Variants in XIAP observed in about 807,000 individuals in gnomAD.
XIAP encodes the protein E3 ubiquitin-protein ligase XIAP.
A neutral mutation model predicts 33.1 loss-of-function variants in XIAP; 3 were observed. That is an observed-to-expected ratio of 0.09 (90% CI 0.04 to 0.23). The LOEUF is 0.23. Ranked by LOEUF, XIAP falls within the 10% of genes least tolerant of loss-of-function variation. The probability of loss-of-function intolerance (pLI) is 1.00; values close to 1 mark genes in which losing one functional copy is unlikely to be tolerated. For synonymous variants in XIAP, 98 were observed against 121.3 expected (o/e 0.81, Z 1.26); for missense variants, 264 against 363.0 (o/e 0.73, Z 2.22).
chrX:123,867,951 C>T (rs2053159273), intron 1 of XIAP, among the ~76,000 whole-genome samples: 1 of 111,718 alleles, frequency 9.0e-6, no homozygotes, highest in South Asian at 3.7e-4. Flanking sequence ...CCTGGGATTA[C>T]AGGCATGAGC....
At chrX:123,868,632 TGAGGTGG>T (rs1265554138) in intron 1 of XIAP, among the ~76,000 whole-genome samples, 1 of 110,955 alleles carries the variant, frequency 9.0e-6, no homozygotes, top group Admixed American at 9.7e-5. Context: ...CTCTGGAGGC[TGAGGTGG>T]GAGGATCACT....
intron 2 of XIAP, among the ~76,000 whole-genome samples, chrX:123,887,170 C>T (rs187813825): frequency 3.1e-4 from 35 of 111,953 alleles, no homozygotes; most frequent in African/African-American, 1.1e-3. Flanking sequence ...CCACCCGCCT[C>T]GGCCTCCCAA....
chrX:123,864,637 T>A (rs1313663615), intron 1 of XIAP, among the ~76,000 whole-genome samples: 4 of 8,315 alleles, frequency 4.8e-4, no homozygotes, highest in Admixed American at 2.4e-3. Context: ...CGGCTTAGAG[T>A]GTGTGTGTGT....
In XIAP at chrX:123,875,020, A is replaced by G. The variant is rs771430913; in HGVS notation, c.-32-10611A>G. Among the ~76,000 whole-genome samples, 745 of 76,766 alleles carry G rather than the reference A, an allele frequency of 9.7e-3. 4 individuals are homozygous for G. Among genetic ancestry groups the G allele is most frequent in the Non-Finnish European group, 0.01 (431 of 41,120 alleles). 66.7% of individuals were successfully genotyped at this position (76,766 alleles called of 115,157 possible). A position where few individuals can be genotyped will look rare whatever the true frequency, so the allele number is the denominator to read the frequency against. On this transcript the variant is annotated intron_variant, in intron 1 of 6. Coordinates refer to ENST00000371199, the MANE Select transcript of XIAP (RefSeq NM_001167.4). ...AGCCACTGCGCCTGGCTGATCAGGG[A>G]TTTATTTTTTTTTTTTTTTGAGATG...
Position 123,913,764 on chromosome X carries a change from G to T in XIAP, c.*6583G>T, listed in dbSNP as rs1477406984. The T allele has an allele frequency of 3.1e-6, 1 of 326,823 alleles. No homozygotes were observed. The highest frequency in any genetic ancestry group is 5.9e-6 in the Non-Finnish European group (1 of 169,296). The allele number at this position is 326,823 out of a possible 1,213,427, so 26.9% of individuals were successfully genotyped here. A position where few individuals can be genotyped will look rare whatever the true frequency, so the allele number is the denominator to read the frequency against. On this transcript the variant is annotated 3_prime_UTR_variant, in exon 7 of 7. Transcript: ENST00000371199. ...TTTAACCTGACTGACTGATCTAATT[G>T]TATTAGTATTGTGAATAATCATGTG...
chrX:123,861,559 G>A (rs7889824), intron 1 of XIAP, among the ~76,000 whole-genome samples: 1 of 110,610 alleles, frequency 9.0e-6, no homozygotes, highest in Non-Finnish European at 1.9e-5. Context: ...TAATAGTAAT[G>A]ACTTATGGAG....
intron 3 of XIAP, among the ~76,000 whole-genome samples, chrX:123,889,736 C>T (rs1397820520): frequency 9.1e-6 from 1 of 110,034 alleles, no homozygotes; most frequent in Non-Finnish European, 1.9e-5. Flanking sequence ...TCAGGCTGGT[C>T]TCGAACTCCC....
intron 5 of XIAP, among the ~76,000 whole-genome samples, chrX:123,898,154 T>C (rs953190569): frequency 8.9e-6 from 1 of 111,841 alleles, no homozygotes; most frequent in Admixed American, 9.6e-5. Flanking sequence ...CTCTTTGCTC[T>C]CTGTAATCCT....
Position 123,900,598 on chromosome X carries a change from G to A in XIAP, c.1205G>A (p.Ser402Asn). The stretch of plus-strand genomic sequence containing the variant: ...GAGGAAAAAATTCAGATATCTGGGA[G>A]CAACTATAAATCACTTGAGGTTCTG... ...IMEEKIQISG[S>N]NYKSLEVLVA... Residue 402 changes from serine (S) to asparagine (N), a missense_variant, in exon 6 of 7, where the codon AGC (serine) becomes AAC (asparagine). By Grantham distance (46) the Ser-to-Asn change is conservative (BLOSUM62 1). Coordinates refer to ENST00000371199, the MANE Select transcript of XIAP (RefSeq NM_001167.4). The A allele has an allele frequency of 8.3e-7, 1 of 1,211,129 alleles. No homozygotes were observed. The highest frequency in any genetic ancestry group is 1.1e-6 in the Non-Finnish European group (1 of 894,999).
chrX:123,899,823 A>T (rs1429933044), intron 5 of XIAP, among the ~76,000 whole-genome samples: 30 of 110,435 alleles, frequency 2.7e-4, no homozygotes, highest in Non-Finnish European at 1.9e-5. Context: ...GGGCTATTAT[A>T]AATAACACTA....
intron 6 of XIAP, among the ~76,000 whole-genome samples, chrX:123,903,501 T>C (rs1171083719): frequency 1.8e-5 from 2 of 109,835 alleles, no homozygotes; most frequent in East Asian, 5.7e-4. Flanking sequence ...TTTATAACTT[T>C]TATGACCTTA....
intron 1 of XIAP, among the ~76,000 whole-genome samples, chrX:123,862,539 T>C (rs1156258705): frequency 9.1e-6 from 1 of 109,635 alleles, no homozygotes; most frequent in Non-Finnish European, 1.9e-5. Context: ...ACCTGGCTAA[T>C]TAGGTCCCTT....
chrX:123,866,836 C>T (rs2053143731), intron 1 of XIAP, among the ~76,000 whole-genome samples: 1 of 106,103 alleles, frequency 9.4e-6, no homozygotes, highest in Non-Finnish European at 1.9e-5. Context: ...GCTACCACAC[C>T]TGGCTTATTT....
In XIAP at chrX:123,912,408, T is replaced by A. The variant is rs1425775463; in HGVS notation, c.*5227T>A. The A allele has an allele frequency of 1.5e-5, 5 of 324,140 alleles. No individual in the cohort carries two copies. Among genetic ancestry groups the A allele is most frequent in the Non-Finnish European group, 2.4e-5 (4 of 169,055 alleles). 26.7% of individuals were successfully genotyped at this position (324,140 alleles called of 1,213,427 possible). A position where few individuals can be genotyped will look rare whatever the true frequency, so the allele number is the denominator to read the frequency against. ...TAATATATTGTATTAGGTATTAAAGTCATCTGGACATGAATTAAAGTATAT... is the reference window on the plus strand; with the variant it reads ...TAATATATTGTATTAGGTATTAAAGACATCTGGACATGAATTAAAGTATAT... On this transcript the variant is annotated 3_prime_UTR_variant, in exon 7 of 7. Coordinates refer to ENST00000371199, the MANE Select transcript of XIAP (RefSeq NM_001167.4).
chrX:123,885,159 GAT>G (rs1383060268), intron 1 of XIAP, among the ~76,000 whole-genome samples: 10 of 111,743 alleles, frequency 8.9e-5, no homozygotes, highest in African/African-American at 3.2e-4. Flanking sequence ...TAAGCAAAGA[GAT>G]ATTAAAAATT....
At chrX:123,860,356 C>T (rs1219980039) in intron 1 of XIAP, 63 bp downstream of exon 1, 6 of 321,128 alleles carry the variant, frequency 1.9e-5, no homozygotes, top group African/African-American at 1.6e-4. Context: ...CTCCTCCCTC[C>T]CCTCTTCTTT....
rs756570247 is a variant in XIAP, at chrX:123,910,498, G to A, written c.*3317G>A. Reference sequence around the variant, plus strand: ...ATTGTTTTATTTCCTGATTACACAGGTGTTGAATGGGGAAAGGGGCTAGTA... The same window carrying A: ...ATTGTTTTATTTCCTGATTACACAGATGTTGAATGGGGAAAGGGGCTAGTA... On this transcript the variant is annotated 3_prime_UTR_variant, in exon 7 of 7. Coordinates refer to ENST00000371199, the MANE Select transcript of XIAP (RefSeq NM_001167.4). 2 of 329,396 alleles carry A rather than the reference G, an allele frequency of 6.1e-6. No homozygotes were observed. Among genetic ancestry groups the A allele is most frequent in the South Asian group, 5.2e-5 (2 of 38,478 alleles). The allele number at this position is 329,396 out of a possible 1,213,427, so 27.1% of individuals were successfully genotyped here. A position where few individuals can be genotyped will look rare whatever the true frequency, so the allele number is the denominator to read the frequency against.
intron 1 of XIAP, among the ~76,000 whole-genome samples, chrX:123,874,260 G>T (rs1360790739): frequency 8.9e-6 from 1 of 111,748 alleles, no homozygotes; most frequent in African/African-American, 3.3e-5. Context: ...CTTTTCATTA[G>T]AATCTAATAT....
chrX:123,873,339 TA>T (rs2053212106), intron 1 of XIAP, among the ~76,000 whole-genome samples: 1 of 109,123 alleles, frequency 9.2e-6, no homozygotes, highest in African/African-American at 3.3e-5. Flanking sequence ...GCCTAATTTT[TA>T]TTTTATTTTT....
Sources: allele counts gnomAD v4.1 joint callset (sites outside exome capture counted in the v4.1 genomes callset), GRCh38; gene constraint gnomAD v4.1.1; transcripts MANE v1.5; gene names NCBI Gene and HGNC (gene_info 2026-07-23, HGNC 2026-07-21).